ATP11C: variants seen among roughly 807,000 people sequenced by gnomAD.
The protein encoded by ATP11C is phospholipid-transporting ATPase IG.
A neutral mutation model predicts 97.4 loss-of-function variants in ATP11C; 36 were observed. The ratio of observed to expected loss-of-function variants is 0.37; its 90% CI spans 0.28 to 0.49. ATP11C has a LOEUF of 0.49. Ranked by LOEUF, ATP11C falls within the 20% of genes least tolerant of loss-of-function variation. The probability of loss-of-function intolerance (pLI) is 0.98; values close to 1 mark genes in which losing one functional copy is unlikely to be tolerated. For synonymous variants in ATP11C, 275 were observed against 290.9 expected (o/e 0.95, Z 0.56); for missense variants, 730 against 824.6 (o/e 0.89, Z 1.40).
chrX:139,741,440 C>T (rs1024620955), intron 26 of ATP11C, among the ~76,000 whole-genome samples: 7 of 110,787 alleles, frequency 6.3e-5, no homozygotes, highest in Admixed American at 1.9e-4. Flanking sequence ...CAGGCAATGG[C>T]AGCCAGGAAG....
At chrX:139,764,128 C>A (rs1261308588) in intron 20 of ATP11C, among the ~76,000 whole-genome samples, 2 of 112,007 alleles carry the variant, frequency 1.8e-5, no homozygotes, top group African/African-American at 6.5e-5. Context: ...CCTGCTGACA[C>A]TCTCACCTTC....
At chrX:139,808,671 A>T (rs933403531) in intron 5 of ATP11C, among the ~76,000 whole-genome samples, 14 of 112,213 alleles carry the variant, frequency 1.2e-4, no homozygotes, top group Non-Finnish European at 2.6e-4. Context: ...CCATAGGAAC[A>T]TTCACTTCCA....
chrX:139,773,871 T>C (rs1247867868), intron 19 of ATP11C, among the ~76,000 whole-genome samples: 1 of 112,301 alleles, frequency 8.9e-6, no homozygotes, highest in African/African-American at 3.2e-5. Context: ...ATGAAGAAAA[T>C]ACGGTTGCCT....
chrX:139,881,400 G>A (rs1445941714), intron 1 of ATP11C, among the ~76,000 whole-genome samples: 2 of 110,922 alleles, frequency 1.8e-5, no homozygotes, highest in Non-Finnish European at 3.8e-5. Flanking sequence ...TGCTGATATA[G>A]AGTGATTTTT....
chrX:139,800,678 C>A (rs2082908444), intron 7 of ATP11C, among the ~76,000 whole-genome samples: 1 of 111,672 alleles, frequency 9.0e-6, no homozygotes, highest in South Asian at 3.7e-4. Context: ...TGAATGCCAT[C>A]TTGGAAATGT....
intron 1 of ATP11C, among the ~76,000 whole-genome samples, chrX:139,838,524 G>A (rs1215070949): frequency 8.9e-6 from 1 of 111,985 alleles, no homozygotes; most frequent in African/African-American, 3.2e-5. Flanking sequence ...CAGTTTGGCA[G>A]TTCATTAAAA....
At chrX:139,860,030 G>A (rs544208456) in intron 1 of ATP11C, among the ~76,000 whole-genome samples, 20 of 78,443 alleles carry the variant, frequency 2.5e-4, no homozygotes, top group South Asian at 9.4e-4. Context: ...GCGTGAACCC[G>A]GGAGGCGGAG....
intron 1 of ATP11C, among the ~76,000 whole-genome samples, chrX:139,843,925 A>C (rs1406369837): frequency 9.0e-6 from 1 of 111,413 alleles, no homozygotes; most frequent in Non-Finnish European, 1.9e-5. Flanking sequence ...AAAAAAAAAA[A>C]ACTGATGTCC....
chrX:139,873,229 T>C (rs2052808484), intron 1 of ATP11C, among the ~76,000 whole-genome samples: 1 of 112,420 alleles, frequency 8.9e-6, no homozygotes. Context: ...TTGATTGGCT[T>C]TGTCATAGAG....
At chrX:139,912,165 ACT>A (rs1377236626) in intron 1 of ATP11C, among the ~76,000 whole-genome samples, 3 of 83,183 alleles carry the variant, frequency 3.6e-5, no homozygotes, top group East Asian at 3.6e-4. Flanking sequence ...ACAGAGTAAG[ACT>A]CTGTCTCAAA....
At chrX:139,833,898 G>T (rs1209246424) in intron 1 of ATP11C, among the ~76,000 whole-genome samples, 1 of 111,465 alleles carries the variant, frequency 9.0e-6, no homozygotes, top group African/African-American at 3.3e-5. Context: ...CTTACAGCAG[G>T]ATTAACAGAA....
intron 17 of ATP11C, 44 bp from the exon 18 acceptor site, chrX:139,782,772 G>GT: frequency 1.1e-6 from 1 of 906,407 alleles, no homozygotes; most frequent in Non-Finnish European, 1.5e-6. Flanking sequence ...AATAATAGTT[G>GT]GAAAAAAAAA....
chrX:139,822,818 G>GT (rs1397571476), intron 2 of ATP11C, among the ~76,000 whole-genome samples: 1 of 110,227 alleles, frequency 9.1e-6, no homozygotes, highest in Admixed American at 9.6e-5. Context: ...CATTACAGGT[G>GT]TGAGCCACTG....
At position 139,742,232 on chromosome X, in the gene ATP11C, G is replaced by A. The variant is rs747510945; in HGVS notation, c.3031-1138C>T. Among the ~76,000 whole-genome samples, 3 of 111,288 alleles carry A rather than the reference G, an allele frequency of 2.7e-5. No individual in the cohort carries two copies. In the East Asian group the frequency reaches 8.6e-4, roughly 32 times the overall value. ...ACCGAAAACTAGCATATATTGAAAT[G>A]AGCACCCTCCTAAGTGCTTTATTCA... On this transcript the variant is annotated intron_variant, in intron 26 of 29. Transcript: ENST00000682941.
intron 1 of ATP11C, among the ~76,000 whole-genome samples, chrX:139,909,590 T>C (rs1295258991): frequency 1.8e-5 from 2 of 111,509 alleles, no homozygotes; most frequent in Non-Finnish European, 1.9e-5. Context: ...ATACAAAATA[T>C]GGAAAATCTG....
chrX:139,780,738 G>A (rs568785042), intron 18 of ATP11C, among the ~76,000 whole-genome samples: 19 of 111,922 alleles, frequency 1.7e-4, no homozygotes, highest in African/African-American at 5.8e-4. Flanking sequence ...GGAATACTAC[G>A]CAGCCATAAG....
intron 1 of ATP11C, among the ~76,000 whole-genome samples, chrX:139,834,131 A>G (rs1460375616): frequency 1.8e-5 from 2 of 111,730 alleles, no homozygotes; most frequent in Non-Finnish European, 3.8e-5. Flanking sequence ...ACCCCTGCCT[A>G]AAGGGGCAGG....
chrX:139,860,104 CAAAAA>C (rs1245214221), intron 1 of ATP11C, among the ~76,000 whole-genome samples: 1 of 20,418 alleles, frequency 4.9e-5, no homozygotes, highest in African/African-American at 3.8e-4. Context: ...GACTCCGTCT[CAAAAA>C]AAAAAAAAAA....
chrX:139,826,259 G>A (rs2083526822), intron 2 of ATP11C, among the ~76,000 whole-genome samples: 1 of 110,119 alleles, frequency 9.1e-6, no homozygotes, highest in African/African-American at 3.3e-5. Context: ...GATGGGAGGT[G>A]GAGGGGTTGG....
Sources: gnomAD v4.1 joint callset for allele counts (sites outside exome capture counted in the v4.1 genomes callset) on GRCh38, gnomAD v4.1.1 for gene constraint, MANE v1.5 for transcripts, NCBI Gene and HGNC (gene_info 2026-07-23, HGNC 2026-07-21) for gene names.